Variants in VAV3 observed in about 807,000 individuals in gnomAD.
The protein encoded by VAV3 is vav guanine nucleotide exchange factor 3, also known as guanine nucleotide exchange factor VAV3.
In VAV3, 94 loss-of-function variants were observed where a neutral mutation model predicts 131.2. The ratio of observed to expected loss-of-function variants is 0.72; its 90% confidence interval spans 0.61 to 0.85. The LOEUF (loss-of-function observed/expected upper bound fraction) is 0.85, where lower values mean the gene tolerates loss of function less well. Ranked by LOEUF, VAV3 falls within the 40% of genes least tolerant of loss-of-function variation. The probability of loss-of-function intolerance (pLI) is 0.00; values close to 1 mark genes in which losing one functional copy is unlikely to be tolerated. For synonymous variants in VAV3, 349 were observed against 342.0 expected (o/e 1.02, Z -0.22); for missense variants, 939 against 1,002.7 (o/e 0.94, Z 0.86).
chr1:107,612,565 T>C (rs1001891306), intron 21 of VAV3, among the ~76,000 whole-genome samples: 2 of 152,098 alleles, frequency 1.3e-5, no homozygotes, highest in African/African-American at 4.8e-5. Context: ...AAACAGGAAA[T>C]CACAGGGTTG....
intron 15 of VAV3, among the ~76,000 whole-genome samples, chr1:107,715,846 C>T (rs1477348330): frequency 6.6e-6 from 1 of 152,126 alleles, no homozygotes. Flanking sequence ...CTGCAGATAA[C>T]ATGAATTAGG....
intron 15 of VAV3, 103 bp from the exon 16 acceptor site, chr1:107,705,164 C>A (rs913135786): frequency 1.4e-5 from 12 of 879,134 alleles, no homozygotes; most frequent in Non-Finnish European, 1.8e-5. Flanking sequence ...AGGTAGAGAT[C>A]TGATTCAAGC....
intron 17 of VAV3, among the ~76,000 whole-genome samples, chr1:107,695,694 G>T (rs1402902668): frequency 1.3e-5 from 2 of 152,122 alleles, no homozygotes; most frequent in Non-Finnish European, 2.9e-5. Context: ...TATCTACCTG[G>T]GGTGTGGGTT....
chr1:107,695,463 G>A (rs1375427991), intron 17 of VAV3, among the ~76,000 whole-genome samples: 1 of 152,096 alleles, frequency 6.6e-6, no homozygotes, highest in African/African-American at 2.4e-5. Context: ...ATCAAGATGT[G>A]GAAGACGTTG....
At chr1:107,873,621 A>C (rs1262517942) in intron 2 of VAV3, among the ~76,000 whole-genome samples, 3 of 152,134 alleles carry the variant, frequency 2.0e-5, no homozygotes. Context: ...CCATTTCCTT[A>C]CTAGGGGCTT....
intron 19 of VAV3, chr1:107,668,674 G>A (rs1352096304): frequency 2.5e-5 from 25 of 985,210 alleles, no homozygotes; most frequent in African/African-American, 7.0e-5. Context: ...AACTACAGGC[G>A]TGGTCCCAGG....
chr1:107,810,889 C>A (rs1445543575), intron 2 of VAV3, among the ~76,000 whole-genome samples: 1 of 151,576 alleles, frequency 6.6e-6, no homozygotes, highest in African/African-American at 2.4e-5. Context: ...GCAAAGGCAG[C>A]ATAGAGAACC....
intron 1 of VAV3, among the ~76,000 whole-genome samples, chr1:107,886,376 C>T (rs1671037658): frequency 6.6e-6 from 1 of 152,214 alleles, no homozygotes; most frequent in Non-Finnish European, 1.5e-5. Flanking sequence ...CCTGCCAGCA[C>T]CCTTCCCCTC....
chr1:107,957,285 G>A (rs1015331580), intron 1 of VAV3, among the ~76,000 whole-genome samples: 19 of 151,920 alleles, frequency 1.3e-4, no homozygotes, highest in Admixed American at 1.1e-3. Context: ...AATCTTTTTT[G>A]TTCCTCTCTA....
At chr1:107,793,179 A>C (rs887172741) in intron 2 of VAV3, among the ~76,000 whole-genome samples, 3 of 152,164 alleles carry the variant, frequency 2.0e-5, no homozygotes, top group Admixed American at 1.3e-4. Flanking sequence ...GAGACGGCTA[A>C]ACTGAAAAAG....
intron 2 of VAV3, among the ~76,000 whole-genome samples, chr1:107,789,800 T>C (rs954143218): frequency 6.6e-6 from 1 of 152,360 alleles, no homozygotes; most frequent in African/African-American, 2.4e-5. Flanking sequence ...AATATTATCA[T>C]TTCAACATGT....
At chr1:107,581,674 A>G (rs1401872796) in intron 25 of VAV3, among the ~76,000 whole-genome samples, 2 of 152,220 alleles carry the variant, frequency 1.3e-5, no homozygotes, top group Non-Finnish European at 2.9e-5. Context: ...CACAGTGTTT[A>G]TGGTAGGATA....
At chr1:107,752,045 A>T (rs1199670615) in intron 12 of VAV3, among the ~76,000 whole-genome samples, 1 of 152,240 alleles carries the variant, frequency 6.6e-6, no homozygotes, top group Non-Finnish European at 1.5e-5. Context: ...CAATCTTGAA[A>T]AGGAACAAAG....
chr1:107,913,140 G>A (rs778058339), intron 1 of VAV3, among the ~76,000 whole-genome samples: 5 of 151,982 alleles, frequency 3.3e-5, no homozygotes, highest in Non-Finnish European at 5.9e-5. Flanking sequence ...CCATACTGTC[G>A]ACAGCAATCC....
chr1:107,639,084 G>A (rs1203299533), intron 20 of VAV3, among the ~76,000 whole-genome samples: 2 of 151,836 alleles, frequency 1.3e-5, no homozygotes, highest in African/African-American at 4.8e-5. Flanking sequence ...GCAATCCAGT[G>A]GAGAAATAAT....
At chr1:107,828,961 C>A (rs1668128150) in intron 2 of VAV3, among the ~76,000 whole-genome samples, 1 of 152,174 alleles carries the variant, frequency 6.6e-6, no homozygotes, top group Non-Finnish European at 1.5e-5. Context: ...ATTTGCAAAG[C>A]CCCTTTCAGC....
chr1:107,913,490 TC>T (rs1672461822), intron 1 of VAV3, among the ~76,000 whole-genome samples: 1 of 152,232 alleles, frequency 6.6e-6, no homozygotes, highest in African/African-American at 2.4e-5. Context: ...AAAAATATGT[TC>T]CTTTCCCATA....
intron 1 of VAV3, among the ~76,000 whole-genome samples, chr1:107,888,383 C>T (rs982434505): frequency 6.6e-6 from 1 of 152,208 alleles, no homozygotes; most frequent in African/African-American, 2.4e-5. Context: ...CTTCCTTTCC[C>T]CAACTACAAA....
Position 107,642,748 on chromosome 1 carries a change from T to C in VAV3, c.1785A>G (p.Pro595=), listed in dbSNP as rs1655442433. Residue 595 remains proline (P), a synonymous_variant, in exon 20 of 27, where the codon CCA becomes CCG. Coordinates refer to ENST00000370056, the MANE Select transcript of VAV3 (RefSeq NM_006113.5). The part of the protein sequence containing the change: ...RTPKQVDPGL[P]KMQVIRNYSG... The stretch of plus-strand genomic sequence containing the variant: ...AATAGTTCCTAATGACCTGCATCTT[T>C]GGTAAACCTGAAAATAAGCCAAACA... The C allele has an allele frequency of 1.9e-6, 3 of 1,613,244 alleles. No homozygotes were observed. The highest frequency in any genetic ancestry group is 2.2e-5 in the South Asian group (2 of 91,072).
Sources: allele counts gnomAD v4.1 joint callset (sites outside exome capture counted in the v4.1 genomes callset), GRCh38; gene constraint gnomAD v4.1.1; transcripts MANE v1.5; gene names NCBI Gene and HGNC (gene_info 2026-07-23, HGNC 2026-07-21).